The following LRMDA variants were observed in gnomAD, a reference collection of about 807,000 sequenced individuals.
LRMDA encodes leucine rich melanocyte differentiation associated, also known as leucine-rich melanocyte differentiation-associated protein.
Under a neutral mutation model 29.8 loss-of-function variants are expected in LRMDA, and 18 were observed. That is an observed-to-expected ratio of 0.60 (90% CI 0.42 to 0.90). The LOEUF is 0.90. Among genes scored for constraint, LRMDA ranks in the 40% least tolerant of loss-of-function variants. The pLI is 0.00. For missense variants in LRMDA, 273 were observed against 273.9 expected (o/e 1.00, Z 0.02); for synonymous variants, 125 against 109.4 (o/e 1.14, Z -0.89).
At chr10:76,063,869 C>T (rs541233232) in intron 5 of LRMDA, among the ~76,000 whole-genome samples, 42 of 152,216 alleles carry the variant, frequency 2.8e-4, no homozygotes, top group African/African-American at 8.7e-4. Flanking sequence ...AGGATGAAGA[C>T]GGAATGATTC....
chr10:75,867,759 C>T (rs1845044774), intron 2 of LRMDA, among the ~76,000 whole-genome samples: 2 of 152,116 alleles, frequency 1.3e-5, no homozygotes, highest in African/African-American at 4.8e-5. Context: ...GTGCTTTGGT[C>T]CTTGCTGTGA....
intron 2 of LRMDA, among the ~76,000 whole-genome samples, chr10:75,577,773 A>T (rs1840526382): frequency 6.6e-6 from 1 of 152,206 alleles, no homozygotes; most frequent in South Asian, 2.1e-4. Flanking sequence ...CTAGAATTTC[A>T]TATCCAGCTA....
chr10:76,099,572 C>T (rs1849365188), intron 5 of LRMDA, among the ~76,000 whole-genome samples: 1 of 148,818 alleles, frequency 6.7e-6, no homozygotes, highest in African/African-American at 2.5e-5. Flanking sequence ...CCTGCTTTAG[C>T]TGCATCCCAT....
At chr10:75,442,415 G>A (rs1012869269) in intron 2 of LRMDA, among the ~76,000 whole-genome samples, 2 of 152,148 alleles carry the variant, frequency 1.3e-5, no homozygotes, top group African/African-American at 4.8e-5. Flanking sequence ...TCTGAGAAAA[G>A]GGATCAATTG....
intron 2 of LRMDA, among the ~76,000 whole-genome samples, chr10:75,632,782 GTTTTTTTTT>G (rs386371855): frequency 1.2e-4 from 5 of 43,256 alleles, no homozygotes; most frequent in African/African-American, 3.4e-4. Flanking sequence ...GTTTAGTTTA[GTTTTTTTTT>G]TTTTTTTTTT....
At chr10:76,397,901 A>G (rs983691963) in intron 6 of LRMDA, among the ~76,000 whole-genome samples, 2 of 152,244 alleles carry the variant, frequency 1.3e-5, no homozygotes, top group African/African-American at 4.8e-5. Flanking sequence ...CTAACCGAAA[A>G]GTATTACCAA....
At chr10:75,960,148 A>C (rs2132428117) in intron 2 of LRMDA, among the ~76,000 whole-genome samples, 2 of 152,280 alleles carry the variant, frequency 1.3e-5, no homozygotes, top group South Asian at 4.1e-4. Flanking sequence ...TCTGTTTCAT[A>C]ATCTTAGCTA....
rs1044933581 is a variant in LRMDA at position 75,794,067 on chromosome 10, G to A, written c.132-241941G>A. ...GCAGCAGGCTGCAGTTGACCAGCAGGCTGACTCCTACTTAAGGCACTATGG... is the reference window on the plus strand; with the variant it reads ...GCAGCAGGCTGCAGTTGACCAGCAGACTGACTCCTACTTAAGGCACTATGG... On this transcript the variant is annotated intron_variant, in intron 2 of 6. Transcript: ENST00000611255. Among the ~76,000 whole-genome samples the A allele has an allele frequency of 6.6e-5, 10 of 152,204 alleles. No individual in the cohort carries two copies. In the South Asian group the frequency reaches 1.7e-3, roughly 25 times the overall value.
intron 2 of LRMDA, among the ~76,000 whole-genome samples, chr10:75,842,620 G>A (rs1183049594): frequency 1.3e-5 from 2 of 152,208 alleles, no homozygotes; most frequent in Non-Finnish European, 1.5e-5. Context: ...AAAGTGCATT[G>A]CATGTGGTAT....
chr10:75,643,900 CCCCT>C (rs1420089375), intron 2 of LRMDA, among the ~76,000 whole-genome samples: 1 of 152,118 alleles, frequency 6.6e-6, no homozygotes, highest in Non-Finnish European at 1.5e-5. Context: ...TGTATTTTCC[CCCCT>C]AAGTTATTTC....
intron 6 of LRMDA, among the ~76,000 whole-genome samples, chr10:76,334,656 T>C (rs1029561770): frequency 6.6e-5 from 10 of 152,182 alleles, no homozygotes; most frequent in African/African-American, 2.4e-4. Flanking sequence ...CTGTTACTTT[T>C]CCAATAACCT....
At chr10:76,508,669 C>T (rs1281906728) in intron 6 of LRMDA, among the ~76,000 whole-genome samples, 1 of 151,002 alleles carries the variant, frequency 6.6e-6, no homozygotes, top group African/African-American at 2.4e-5. Context: ...TTATACTTTT[C>T]TTTGTCTGGA....
chr10:76,121,623 C>G (rs930017970), intron 5 of LRMDA, among the ~76,000 whole-genome samples: 5 of 152,180 alleles, frequency 3.3e-5, no homozygotes, highest in Admixed American at 1.3e-4. Context: ...CCCATGCCAA[C>G]TTGGTTTTTT....
At chr10:75,451,996 C>A (rs1844467547) in intron 2 of LRMDA, among the ~76,000 whole-genome samples, 1 of 152,018 alleles carries the variant, frequency 6.6e-6, no homozygotes, top group Non-Finnish European at 1.5e-5. Flanking sequence ...CTAATTTGCT[C>A]AATTCTGTGC....
chr10:76,286,949 C>T (rs1840278865), intron 5 of LRMDA, among the ~76,000 whole-genome samples: 1 of 152,134 alleles, frequency 6.6e-6, no homozygotes, highest in South Asian at 2.1e-4. Context: ...TCTCAAATGT[C>T]TAGCACTCTC....
intron 2 of LRMDA, among the ~76,000 whole-genome samples, chr10:75,501,595 A>G: frequency 6.6e-6 from 1 of 152,160 alleles, no homozygotes; most frequent in East Asian, 1.9e-4. Context: ...TTTTTATCCT[A>G]ATTTTGATTC....
chr10:75,552,509 C>A (rs754822327), intron 2 of LRMDA: 6 of 479,882 alleles, frequency 1.3e-5, no homozygotes, highest in South Asian at 7.7e-5. Context: ...CCATCCACCC[C>A]ATCATAGTAA....
intron 5 of LRMDA, among the ~76,000 whole-genome samples, chr10:76,131,366 C>A (rs1466922793): frequency 6.6e-6 from 1 of 152,316 alleles, no homozygotes; most frequent in Non-Finnish European, 1.5e-5. Flanking sequence ...AACAGAATCA[C>A]CCCTGAGGTG....
chr10:75,686,111 T>C (rs1160896261), intron 2 of LRMDA, among the ~76,000 whole-genome samples: 5 of 152,172 alleles, frequency 3.3e-5, no homozygotes, highest in Non-Finnish European at 7.3e-5. Context: ...CATTCTCTGC[T>C]GAAGGAACAA....
Sources: allele counts gnomAD v4.1 joint callset (sites outside exome capture counted in the v4.1 genomes callset), GRCh38; gene constraint gnomAD v4.1.1; transcripts MANE v1.5; gene names NCBI Gene and HGNC (gene_info 2026-07-23, HGNC 2026-07-21).